LGALS3BP: variants seen among roughly 807,000 people sequenced by gnomAD.
The protein encoded by LGALS3BP is galectin 3 binding protein, also known as galectin-3-binding protein.
Under a neutral mutation model 22.9 loss-of-function variants are expected in LGALS3BP, and 25 were observed. The ratio of observed to expected loss-of-function variants is 1.09; its 90% CI spans 0.80 to 1.53. The LOEUF (loss-of-function observed/expected upper bound fraction) is 1.53. Ranked by LOEUF, LGALS3BP falls within the 40% of genes most tolerant of loss-of-function variation. The pLI is 0.00. For synonymous variants in LGALS3BP, 335 were observed against 331.1 expected (o/e 1.01, Z -0.13); for missense variants, 718 against 752.0 (o/e 0.95, Z 0.53).
Position 78,972,043 on chromosome 17 carries a change from C to T in LGALS3BP, c.1291G>A (p.Val431Ile). 6.2e-7 allele frequency: 1 copy of T among 1,614,058 alleles called. No individual in the cohort carries two copies. Among genetic ancestry groups the T allele is most frequent in the Non-Finnish European group, 8.5e-7 (1 of 1,180,018 alleles). Residue 431 changes from valine (V) to isoleucine (I), a missense_variant, in exon 6 of 6, where the codon GTC (valine) becomes ATC (isoleucine). Physicochemically the swap from Val to Ile is conservative, Grantham distance 29 (BLOSUM62 3). Transcript: ENST00000262776. This position sits in a 1 kb window ranked among gnomAD's most constrained non-coding sequence, Gnocchi z 5.1. ...AAAGGCCCCCGTCTGGACTGATAGA[C>T]CAGTTGTGACTTCCGTGCACTCCAG... ...SSWSARKSQLVYQSRRGPLVK... is the reference protein window; with the variant it reads ...SSWSARKSQLIYQSRRGPLVK...
At chr17:78,975,225 T>C (rs1036738572) in intron 3 of LGALS3BP, among the ~76,000 whole-genome samples, 1 of 152,214 alleles carries the variant, frequency 6.6e-6, no homozygotes, top group Admixed American at 6.5e-5. Context: ...CAGGTTCACA[T>C]ACTGTAATTG....
At chr17:78,977,877 G>T (rs1361527945) in intron 1 of LGALS3BP, among the ~76,000 whole-genome samples, 2 of 152,226 alleles carry the variant, frequency 1.3e-5, no homozygotes, top group Non-Finnish European at 2.9e-5. Context: ...GCTGGGGGAA[G>T]AACAGGGAGG....
Position 78,971,470 on chromosome 17 carries a change from G to T in LGALS3BP, c.*106C>A. ...CAGGTGAGTAGGGCGACATCTGGTG[G>T]CCGGTTGTTGAAGGTCATTGCAGAG... On this transcript the variant is annotated 3_prime_UTR_variant, in exon 6 of 6. Transcript: ENST00000262776. The surrounding 1 kb of genome is among the most constrained non-coding windows in gnomAD (Gnocchi z 5.6). 1 of 1,026,308 alleles carries T rather than the reference G, an allele frequency of 9.7e-7. No homozygotes were observed. The highest frequency in any genetic ancestry group is 1.4e-6 in the Non-Finnish European group (1 of 714,478). The allele number at this position is 1,026,308 out of a possible 1,614,324, so 63.6% of individuals were successfully genotyped here.
chr17:78,974,182 A>T (rs1367945756), intron 4 of LGALS3BP, among the ~76,000 whole-genome samples: 1 of 152,234 alleles, frequency 6.6e-6, no homozygotes, highest in African/African-American at 2.4e-5. Flanking sequence ...GCCCAGGAAG[A>T]GCCACCTCGG....
Position 78,971,621 on chromosome 17 carries a change from C to G in LGALS3BP, c.1713G>C (p.Thr571=). The G allele has an allele frequency of 6.2e-7, 1 of 1,613,634 alleles. No individual in the cohort carries two copies. Among genetic ancestry groups the G allele is most frequent in the Non-Finnish European group, 8.5e-7 (1 of 1,180,006 alleles). The change falls in exon 6 of 6, where the codon ACG becomes ACC. Residue 571 remains threonine, a synonymous_variant. Transcript: ENST00000262776. This position sits in a 1 kb window ranked among gnomAD's most constrained non-coding sequence, Gnocchi z 5.6. ...CPAGHFNGFR[T]VIRPFYLTNS... ...TGGTCAGGTAGAAGGGGCGGATGAC[C>G]GTGCGGAAGCCGTTGAAGTGCCCTG...
At position 78,972,569 on chromosome 17, in the gene LGALS3BP, G is replaced by C. The variant is rs762887450; in HGVS notation, c.765C>G (p.Pro255=). The change falls in exon 6 of 6, where the codon CCC becomes CCG. Residue 255 remains proline (P), a synonymous_variant. Coordinates refer to ENST00000262776, the MANE Select transcript of LGALS3BP (RefSeq NM_005567.4). The surrounding 1 kb of genome is among the most constrained non-coding windows in gnomAD (Gnocchi z 5.1). ...SLFAILLPQD[P]SFQMPLDLYA... is the part of the protein sequence containing the mutation. Reference sequence around the variant, plus strand: ...ACAGGTCCAGGGGCATCTGGAACGAGGGGTCCTGGGGGAGGAGGATGGCAA... The same window carrying C: ...ACAGGTCCAGGGGCATCTGGAACGACGGGTCCTGGGGGAGGAGGATGGCAA... The C allele has an allele frequency of 1.2e-6, 2 of 1,601,394 alleles. No homozygotes were observed. Among genetic ancestry groups the C allele is most frequent in the Non-Finnish European group, 1.7e-6 (2 of 1,171,430 alleles).
In LGALS3BP at chr17:78,971,381, T is replaced by G; in HGVS notation, c.*195A>C. 1.7e-6 allele frequency: 1 copy of G among 584,708 alleles called. No individual in the cohort carries two copies. The highest frequency in any genetic ancestry group is 3.1e-5 in the Admixed American group (1 of 32,262). 36.2% of individuals were successfully genotyped at this position (584,708 alleles called of 1,614,324 possible). ...GCTTACCACCTGGAAACTGGTGAGG[T>G]GGTGGGAGAACTCCTGGTGGACCCT... is the stretch of plus-strand genomic sequence containing the variant. On this transcript the variant is annotated 3_prime_UTR_variant, in exon 6 of 6. Transcript: ENST00000262776. This position sits in a 1 kb window ranked among gnomAD's most constrained non-coding sequence, Gnocchi z 5.6.
rs3191359 is a variant in LGALS3BP, at chr17:78,971,508, G to A, written c.*68C>T. 7 of 1,450,276 alleles carry A rather than the reference G, an allele frequency of 4.8e-6. No homozygotes were observed. The highest frequency in any genetic ancestry group is 2.1e-5 in the Admixed American group (1 of 48,754). The allele number at this position is 1,450,276 out of a possible 1,614,324, so 89.8% of individuals were successfully genotyped here. On this transcript the variant is annotated 3_prime_UTR_variant, in exon 6 of 6. Transcript: ENST00000262776. This position sits in a 1 kb window ranked among gnomAD's most constrained non-coding sequence, Gnocchi z 5.6. ...GGTCATTGCAGAGAGGAAGGAAGCC[G>A]AGGAGGGGAGCCTGCAGTGAGGGCG...
rs748224845 is a variant in LGALS3BP, at chr17:78,976,069, G to C, written c.140C>G (p.Thr47Ser). ...VEIFYRGQWG[T>S]VCDNLWDLTD... ...CAGGTCCCACAGGTTGTCACACACA[G>C]TGCCCCACTGGCCTCTGTAGAAGAT... The change falls in exon 3 of 6, where the codon ACT (threonine) becomes AGT (serine). Residue 47 changes from threonine (T) to serine (S), a missense_variant. Coordinates refer to ENST00000262776, the MANE Select transcript of LGALS3BP (RefSeq NM_005567.4). This position sits in a 1 kb window ranked among gnomAD's most constrained non-coding sequence, Gnocchi z 4.6. 3 of 1,611,794 alleles carry C rather than the reference G, an allele frequency of 1.9e-6. No homozygotes were observed. Among genetic ancestry groups the C allele is most frequent in the Admixed American group, 1.7e-5 (1 of 59,834 alleles).
chr17:78,975,867 T>A, intron 3 of LGALS3BP, 98 bp downstream of exon 3: 1 of 737,230 alleles, frequency 1.4e-6, no homozygotes, highest in Non-Finnish European at 2.1e-6. Flanking sequence ...TTTGCATGTC[T>A]TTGAAACCTG....
chr17:78,972,156 C>T lies in LGALS3BP; in HGVS notation c.1178G>A (p.Arg393Gln), dbSNP rs143498463. 671 of 1,613,980 alleles carry T rather than the reference C, an allele frequency of 4.2e-4. 3 individuals carry two copies. The African/African-American group carries it at 5.7e-3, about 14-fold the overall frequency. The change falls in exon 6 of 6, where the codon CGG (arginine) becomes CAG (glutamine). Residue 393 changes from arginine to glutamine, a missense_variant. Physicochemically the swap from Arg to Gln is conservative, Grantham distance 43. Coordinates refer to ENST00000262776, the MANE Select transcript of LGALS3BP (RefSeq NM_005567.4). This position sits in a 1 kb window ranked among gnomAD's most constrained non-coding sequence, Gnocchi z 5.1. ...CTCGGTGAGGTTCAGGCCTTTGTACCGGGCCAGCAACTGGAAGGGCACAGT... is the reference window on the plus strand; with the variant it reads ...CTCGGTGAGGTTCAGGCCTTTGTACTGGGCCAGCAACTGGAAGGGCACAGT... ...FHTVPFQLLA[R>Q]YKGLNLTEDT...
At chr17:78,977,426 A>G (rs1377877915) in intron 1 of LGALS3BP, 11 of 544,552 alleles carry the variant, frequency 2.0e-5, no homozygotes, top group Non-Finnish European at 3.3e-5. Context: ...GTGGTCCTGG[A>G]AGGATGTGTA....
Position 78,973,925 on chromosome 17 carries a change from C to G in LGALS3BP, c.377-703G>C, listed in dbSNP as rs987783970. 6.6e-6 allele frequency among the ~76,000 whole-genome samples: 1 copy of G among 152,264 alleles called. No homozygotes were observed. Among genetic ancestry groups the G allele is most frequent in the Non-Finnish European group, 1.5e-5 (1 of 68,038 alleles). On this transcript the variant is annotated intron_variant, in intron 4 of 5. Transcript: ENST00000262776. The surrounding 1 kb of genome is among the most constrained non-coding windows in gnomAD (Gnocchi z 5.8). ...CTCCCACCTGCACGCCTTACCACAG[C>G]TCTCCTGCCCCAGGAGCTTTGGCCG...
Position 78,972,286 on chromosome 17 carries a change from T to A in LGALS3BP, c.1048A>T (p.Met350Leu). ...TCAAAGAGCTCCTCAGGGAGCATCA[T>A]GGGGAAGCGGATCTTCTCCACCAAG... is the stretch of plus-strand genomic sequence containing the variant. ...EGLVEKIRFP[M>L]MLPEELFELQ... Residue 350 changes from methionine to leucine, a missense_variant, in exon 6 of 6, where the codon ATG (methionine) becomes TTG (leucine). Coordinates refer to ENST00000262776, the MANE Select transcript of LGALS3BP (RefSeq NM_005567.4). This position sits in a 1 kb window ranked among gnomAD's most constrained non-coding sequence, Gnocchi z 5.1. 2 of 1,613,364 alleles carry A rather than the reference T, an allele frequency of 1.2e-6. No individual in the cohort carries two copies. Among genetic ancestry groups the A allele is most frequent in the Non-Finnish European group, 1.7e-6 (2 of 1,179,872 alleles).
chr17:78,976,741 C>T lies in LGALS3BP; in HGVS notation c.52+399G>A. ...GGGTACATCTGGCTTCCATGGGGCCCCCAGGATGAGCATGAGCTTCCAGGG... is the reference window on the plus strand; with the variant it reads ...GGGTACATCTGGCTTCCATGGGGCCTCCAGGATGAGCATGAGCTTCCAGGG... On this transcript the variant is annotated intron_variant, in intron 2 of 5. Transcript: ENST00000262776. This position sits in a 1 kb window ranked among gnomAD's most constrained non-coding sequence, Gnocchi z 4.6. 1 of 213,530 alleles carries T rather than the reference C, an allele frequency of 4.7e-6. No individual in the cohort carries two copies. Among genetic ancestry groups the T allele is most frequent in the South Asian group, 7.0e-5 (1 of 14,296 alleles). 13.2% of individuals were successfully genotyped at this position (213,530 alleles called of 1,614,324 possible).
chr17:78,977,123 C>T lies in LGALS3BP; in HGVS notation c.52+17G>A, dbSNP rs1230482220. The T allele has an allele frequency of 6.2e-7, 1 of 1,613,076 alleles. No individual in the cohort carries two copies. Among genetic ancestry groups the T allele is most frequent in the Non-Finnish European group, 8.5e-7 (1 of 1,179,918 alleles). On this transcript the variant is annotated intron_variant, in intron 2 of 5. Transcript: ENST00000262776. ...TCCACACTTCTGCTTTTGGTATTTC[C>T]CAGGGGCTCAGCTCACCTTGGGTTC...
rs1252396922 is a variant in LGALS3BP, at chr17:78,979,923, T to C, written c.-123A>G. 6.6e-6 allele frequency: 1 copy of C among 152,236 alleles called. No individual in the cohort carries two copies. The allele number at this position is 152,236 out of a possible 1,614,324, so 9.4% of individuals were successfully genotyped here. A position where few individuals can be genotyped will look rare whatever the true frequency, so the allele number is the denominator to read the frequency against. On this transcript the variant is annotated 5_prime_UTR_variant, in exon 1 of 6. Coordinates refer to ENST00000262776, the MANE Select transcript of LGALS3BP (RefSeq NM_005567.4). Reference sequence around the variant, plus strand: ...TTTGACCCAGAAGCCTCTCCCAGTATGGAGCGTGGTCAGGCTGATCCCAGG... The same window carrying C: ...TTTGACCCAGAAGCCTCTCCCAGTACGGAGCGTGGTCAGGCTGATCCCAGG...
At position 78,973,284 on chromosome 17, in the gene LGALS3BP, G is replaced by T; in HGVS notation, c.377-62C>A. The T allele has an allele frequency of 1.4e-6, 2 of 1,439,258 alleles. No homozygotes were observed. The highest frequency in any genetic ancestry group is 1.8e-6 in the Non-Finnish European group (2 of 1,096,838). The allele number at this position is 1,439,258 out of a possible 1,614,324, so 89.2% of individuals were successfully genotyped here. On this transcript the variant is annotated intron_variant, in intron 4 of 5. Transcript: ENST00000262776. This position sits in a 1 kb window ranked among gnomAD's most constrained non-coding sequence, Gnocchi z 5.8. ...AGCCGGGGCACTGCCACTCTCTGGG[G>T]TCAGTGTCTTCATCTGAAAGTGAGG... is the stretch of plus-strand genomic sequence containing the variant.
rs533766601 is a variant in LGALS3BP at position 78,978,045 on chromosome 17, T to C, written c.-23-831A>G. Among the ~76,000 whole-genome samples, 5 of 152,200 alleles carry C rather than the reference T, an allele frequency of 3.3e-5. 1 individual carries two copies. In the South Asian group the frequency reaches 8.3e-4, roughly 25 times the overall value. On this transcript the variant is annotated intron_variant, in intron 1 of 5. Coordinates refer to ENST00000262776, the MANE Select transcript of LGALS3BP (RefSeq NM_005567.4). ...CACCCTGCCAATGGAGAGACAGTTA[T>C]GGTTTCTCTGGCTCGGTAAGAATCC...
Sources: allele counts gnomAD v4.1 joint callset (sites outside exome capture counted in the v4.1 genomes callset), GRCh38; gene constraint gnomAD v4.1.1; non-coding constraint Gnocchi (gnomAD v3.1); transcripts MANE v1.5; gene names NCBI Gene and HGNC (gene_info 2026-07-23, HGNC 2026-07-21).